The following SNTG2 variants were observed in gnomAD, a reference collection of about 807,000 sequenced individuals.
SNTG2 encodes the protein gamma-2-syntrophin.
A neutral mutation model predicts 70.9 loss-of-function variants in SNTG2; 74 were observed. The observed-to-expected ratio is 1.04, with a 90% CI of 0.86 to 1.27. The LOEUF (loss-of-function observed/expected upper bound fraction) is 1.27. Ranked by LOEUF, SNTG2 falls within the 50% of genes most tolerant of loss-of-function variation. SNTG2 has a pLI of 0.00. For synonymous variants in SNTG2, 278 were observed against 273.8 expected, an observed-to-expected ratio of 1.02 and a Z score of -0.15; for missense variants, 717 against 690.7, an observed-to-expected ratio of 1.04 and a Z score of -0.43.
At position 1,316,906 on chromosome 2, in the gene SNTG2, G is replaced by T. The variant is rs1281707699; in HGVS notation, c.1488+531G>T. Among the ~76,000 whole-genome samples the T allele has an allele frequency of 1.7e-5, 2 of 118,906 alleles. 1 individual carries two copies. Among genetic ancestry groups the T allele is most frequent in the African/African-American group, 6.5e-5 (2 of 30,976 alleles). The allele number at this position is 118,906 out of a possible 152,430, so 78.0% of individuals were successfully genotyped here. On this transcript the variant is annotated intron_variant, in intron 16 of 16. Coordinates refer to ENST00000308624, the MANE Select transcript of SNTG2 (RefSeq NM_018968.4). ...AGCATTGGAGAAGGTTGGGATTCTG[G>T]AGCATTGAGCATCAGGCCAGCATTG...
At chr2:1,311,930 A>G (rs1681012689) in intron 15 of SNTG2, among the ~76,000 whole-genome samples, 1 of 152,182 alleles carries the variant, frequency 6.6e-6, no homozygotes, top group Non-Finnish European at 1.5e-5. Flanking sequence ...TTGCAAGGAA[A>G]GAGGTTCTGG....
At chr2:1,316,060 A>G (rs1681262474) in intron 15 of SNTG2, among the ~76,000 whole-genome samples, 1 of 152,092 alleles carries the variant, frequency 6.6e-6, no homozygotes, top group Admixed American at 6.6e-5. Flanking sequence ...GTGGGGCGGG[A>G]GAGTTGAGTG....
intron 1 of SNTG2, among the ~76,000 whole-genome samples, chr2:1,004,161 C>G (rs1659494954): frequency 1.3e-5 from 2 of 152,086 alleles, no homozygotes; most frequent in African/African-American, 4.8e-5. Context: ...ATGATAGTGC[C>G]TGACATGACT....
chr2:1,336,923 T>C (rs1253648308), intron 16 of SNTG2, among the ~76,000 whole-genome samples: 1 of 152,030 alleles, frequency 6.6e-6, no homozygotes, highest in Admixed American at 6.6e-5. Context: ...TACCCAATAA[T>C]GCTTTTGCTA....
chr2:1,262,674 ACGAGGCAACCGGAAGGC>A (rs1678485319), intron 13 of SNTG2, among the ~76,000 whole-genome samples: 1 of 142,010 alleles, frequency 7.0e-6, no homozygotes, highest in Non-Finnish European at 1.6e-5. Flanking sequence ...CTCAGTCCAG[ACGAGGCAACCGGAAGGC>A]TCCGTCCAGA....
At chr2:1,170,716 A>G (rs1421059867) in intron 7 of SNTG2, among the ~76,000 whole-genome samples, 1 of 152,140 alleles carries the variant, frequency 6.6e-6, no homozygotes, top group Non-Finnish European at 1.5e-5. Flanking sequence ...ACCCATGTAC[A>G]TACCCTTTGT....
At chr2:1,234,787 C>G (rs1202322569) in intron 9 of SNTG2, among the ~76,000 whole-genome samples, 2 of 132,850 alleles carry the variant, frequency 1.5e-5, no homozygotes, top group African/African-American at 6.9e-5. Flanking sequence ...GGTCCACTGT[C>G]TCTACTCACA....
chr2:1,064,518 A>G (rs1663029258), intron 1 of SNTG2, among the ~76,000 whole-genome samples: 5 of 151,848 alleles, frequency 3.3e-5, no homozygotes, highest in Non-Finnish European at 7.4e-5. Flanking sequence ...TATGAAAATC[A>G]TGACAGCGTG....
At position 1,209,100 on chromosome 2, in the gene SNTG2, C is replaced by T; in HGVS notation, c.592-3C>T. ...ACGCTTCATTCTCCTTTCTTCTGTA[C>T]AGGCCCCATCGTCACCTTCCTCGCC... On this transcript the variant is annotated splice_region_variant and splice_polypyrimidine_tract_variant and intron_variant, in intron 8 of 16. Transcript: ENST00000308624. The T allele has an allele frequency of 6.2e-7, 1 of 1,613,894 alleles. No homozygotes were observed. Among genetic ancestry groups the T allele is most frequent in the Non-Finnish European group, 8.5e-7 (1 of 1,179,886 alleles).
At chr2:960,902 C>T (rs2147945437) in intron 1 of SNTG2, among the ~76,000 whole-genome samples, 1 of 152,324 alleles carries the variant, frequency 6.6e-6, no homozygotes, top group East Asian at 1.9e-4. Context: ...TCTTGGGACT[C>T]CTCACCTGCC....
At chr2:1,299,298 A>G (rs1680351884) in intron 14 of SNTG2, among the ~76,000 whole-genome samples, 1 of 152,188 alleles carries the variant, frequency 6.6e-6, no homozygotes, top group Non-Finnish European at 1.5e-5. Context: ...AGTGGCTTAA[A>G]ACAACAGAAA....
chr2:1,139,598 G>A (rs1668617922), intron 6 of SNTG2, among the ~76,000 whole-genome samples: 1 of 152,174 alleles, frequency 6.6e-6, no homozygotes, highest in Non-Finnish European at 1.5e-5. Context: ...GGCCTAGACA[G>A]GAGGATCACT....
At chr2:1,188,854 C>T (rs1672405786) in intron 8 of SNTG2, among the ~76,000 whole-genome samples, 1 of 151,978 alleles carries the variant, frequency 6.6e-6, no homozygotes. Context: ...AATCCAATGG[C>T]AAATCTTAAT....
intron 2 of SNTG2, among the ~76,000 whole-genome samples, chr2:1,092,599 C>T (rs1033737626): frequency 2.0e-5 from 3 of 152,174 alleles, no homozygotes; most frequent in Non-Finnish European, 4.4e-5. Flanking sequence ...AGTGTTAAGT[C>T]CACAGTTTAA....
rs183295544 is a variant in SNTG2, at chr2:986,975, A to G, written c.72+35907A>G. ...GTAACACATTCGATTATCGTTATATATGTTTTTACAAATAATTTTCAGACA... is the reference window on the plus strand; with the variant it reads ...GTAACACATTCGATTATCGTTATATGTGTTTTTACAAATAATTTTCAGACA... On this transcript the variant is annotated intron_variant, in intron 1 of 16. Transcript: ENST00000308624. Among the ~76,000 whole-genome samples the G allele has an allele frequency of 2.4e-3, 361 of 152,366 alleles. 1 individual carries two copies. The highest frequency in any genetic ancestry group is 3.6e-3 in the Non-Finnish European group (244 of 68,034).
chr2:1,213,178 C>T (rs1674158864), intron 9 of SNTG2, among the ~76,000 whole-genome samples: 1 of 152,170 alleles, frequency 6.6e-6, no homozygotes, highest in Non-Finnish European at 1.5e-5. Context: ...TTAAATCAAG[C>T]TACTTGGCAT....
chr2:1,097,685 C>T lies in SNTG2; in HGVS notation c.211-511C>T, dbSNP rs1665485012. ...ACAACCTACCCTTAAATATCCCAGA[C>T]ATCTGTGGTCAGAGGACGTGAAAAA... On this transcript the variant is annotated intron_variant, in intron 2 of 16. Transcript: ENST00000308624. The surrounding 1 kb of genome is among the most constrained non-coding windows in gnomAD (Gnocchi z 4.1). Among the ~76,000 whole-genome samples, 1 of 152,080 alleles carries T rather than the reference C, an allele frequency of 6.6e-6. No individual in the cohort carries two copies. The highest frequency in any genetic ancestry group is 2.1e-4 in the South Asian group (1 of 4,824).
chr2:1,293,157 CTTTTT>C (rs71400092), intron 14 of SNTG2, among the ~76,000 whole-genome samples: 1 of 130,988 alleles, frequency 7.6e-6, no homozygotes. Flanking sequence ...TACTCTGTTA[CTTTTT>C]TTTTTTTTTT....
intron 1 of SNTG2, among the ~76,000 whole-genome samples, chr2:953,006 A>C (rs938360686): frequency 1.3e-5 from 2 of 152,218 alleles, no homozygotes; most frequent in African/African-American, 4.8e-5. Context: ...AAAAGATGAA[A>C]GTCTTTTCTA....
Sources: allele counts gnomAD v4.1 joint callset (sites outside exome capture counted in the v4.1 genomes callset), GRCh38; gene constraint gnomAD v4.1.1; non-coding constraint Gnocchi (gnomAD v3.1); transcripts MANE v1.5; gene names NCBI Gene and HGNC (gene_info 2026-07-23, HGNC 2026-07-21).